Variants in PRKG1 observed in about 807,000 individuals in gnomAD.
The protein encoded by PRKG1 is cGMP-dependent protein kinase 1.
Under a neutral mutation model 88.1 loss-of-function variants are expected in PRKG1, and 35 were observed. The observed-to-expected ratio is 0.40, with a 90% CI of 0.30 to 0.53. PRKG1 has a LOEUF of 0.53. Among genes scored for constraint, PRKG1 ranks in the 20% least tolerant of loss-of-function variants. The pLI, the probability that PRKG1 is intolerant of heterozygous loss-of-function variation, is 0.59. For synonymous variants in PRKG1, 303 were observed against 292.5 expected, an observed-to-expected ratio of 1.04 and a Z score of -0.37; for missense variants, 540 against 839.8, an observed-to-expected ratio of 0.64 and a Z score of 4.41.
chr10:51,964,620 A>T (rs1295975252), intron 5 of PRKG1, among the ~76,000 whole-genome samples: 1 of 152,222 alleles, frequency 6.6e-6, no homozygotes, highest in East Asian at 1.9e-4. Flanking sequence ...AGTCCCAAGA[A>T]ACTAGAATAT....
chr10:51,093,674 ATG>A (rs900170798), intron 1 of PRKG1, among the ~76,000 whole-genome samples: 1 of 147,278 alleles, frequency 6.8e-6, no homozygotes, highest in Non-Finnish European at 1.5e-5. Context: ...ATATGTATGT[ATG>A]TGTGTATATA....
At chr10:51,390,255 C>A (rs1442933556) in intron 2 of PRKG1, among the ~76,000 whole-genome samples, 1 of 152,192 alleles carries the variant, frequency 6.6e-6, no homozygotes, top group Non-Finnish European at 1.5e-5. Context: ...CTGGGTGAGG[C>A]TCTTGGCAGT....
At chr10:51,601,028 G>A (rs1367703810) in intron 3 of PRKG1, among the ~76,000 whole-genome samples, 1 of 151,272 alleles carries the variant, frequency 6.6e-6, no homozygotes, top group African/African-American at 2.4e-5. Flanking sequence ...GGGAGGGAGG[G>A]AGAGAGGAAA....
At chr10:51,611,855 G>A (rs1313322050) in intron 3 of PRKG1, among the ~76,000 whole-genome samples, 1 of 152,054 alleles carries the variant, frequency 6.6e-6, no homozygotes, top group African/African-American at 2.4e-5. Context: ...TTCTGCATAT[G>A]GTTAACCAGT....
intron 3 of PRKG1, among the ~76,000 whole-genome samples, chr10:51,621,078 A>G (rs1221192119): frequency 1.4e-5 from 2 of 144,912 alleles, no homozygotes; most frequent in African/African-American, 5.0e-5. Flanking sequence ...TATATGTATG[A>G]GTCATAAACT....
intron 2 of PRKG1, among the ~76,000 whole-genome samples, chr10:51,370,979 G>A (rs1397864075): frequency 6.6e-6 from 1 of 152,018 alleles, no homozygotes; most frequent in Non-Finnish European, 1.5e-5. Flanking sequence ...AACTTTGTGT[G>A]CCCTACACCC....
chr10:52,126,811 A>T (rs1000518962), intron 7 of PRKG1, among the ~76,000 whole-genome samples: 2 of 152,216 alleles, frequency 1.3e-5, no homozygotes, highest in African/African-American at 4.8e-5. Flanking sequence ...TTGAGGAAAC[A>T]GTTATCTGTC....
chr10:51,773,016 A>G (rs1838344684), intron 3 of PRKG1, among the ~76,000 whole-genome samples: 1 of 152,098 alleles, frequency 6.6e-6, no homozygotes, highest in South Asian at 2.1e-4. Context: ...TATCTTTTCA[A>G]TAGAATGGAC....
At chr10:51,953,019 C>A (rs780771212) in intron 5 of PRKG1, among the ~76,000 whole-genome samples, 5 of 152,086 alleles carry the variant, frequency 3.3e-5, no homozygotes, top group Non-Finnish European at 4.4e-5. Flanking sequence ...CTTCTAAATG[C>A]CCTTTGCTCA....
chr10:51,814,458 A>G (rs1589312283), intron 4 of PRKG1, among the ~76,000 whole-genome samples: 1 of 152,282 alleles, frequency 6.6e-6, no homozygotes, highest in East Asian at 1.9e-4. Flanking sequence ...TTTGTTTCTT[A>G]AGACTCAATG....
chr10:52,233,278 T>C (rs1840573231), intron 9 of PRKG1, among the ~76,000 whole-genome samples: 1 of 150,154 alleles, frequency 6.7e-6, no homozygotes, highest in Non-Finnish European at 1.5e-5. Flanking sequence ...AAAAAGGAAG[T>C]CAAATATGAA....
At chr10:51,960,725 G>T (rs978134844) in intron 5 of PRKG1, among the ~76,000 whole-genome samples, 1 of 152,138 alleles carries the variant, frequency 6.6e-6, no homozygotes, top group Admixed American at 6.6e-5. Flanking sequence ...ACTGAAATGG[G>T]AGATGAATCA....
At chr10:51,545,732 G>A (rs1842429258) in intron 3 of PRKG1, among the ~76,000 whole-genome samples, 1 of 152,032 alleles carries the variant, frequency 6.6e-6, no homozygotes, top group African/African-American at 2.4e-5. Flanking sequence ...TTTCTTTATA[G>A]CTAGCTTTTA....
rs564654000 is a variant in PRKG1, at chr10:51,039,359, C to T, written c.266+47715C>T. ...GGATGTTGAGCACCTTTTCATATAC[C>T]TGTTTGCCATTTGTATGTCTTCTTT... On this transcript the variant is annotated intron_variant, in intron 1 of 17. Coordinates refer to the PRKG1 transcript ENST00000401604. 4.6e-5 allele frequency among the ~76,000 whole-genome samples: 7 copies of T among 152,230 alleles called. No individual in the cohort carries two copies. In the South Asian group the frequency reaches 8.3e-4, roughly 18 times the overall value.
At chr10:51,558,616 T>C (rs753421299) in intron 3 of PRKG1, among the ~76,000 whole-genome samples, 1 of 152,064 alleles carries the variant, frequency 6.6e-6, no homozygotes, top group Non-Finnish European at 1.5e-5. Flanking sequence ...ATGTTGGGCT[T>C]AGTTGATTTA....
chr10:51,222,469 A>G (rs1838569140), intron 2 of PRKG1, among the ~76,000 whole-genome samples: 1 of 152,174 alleles, frequency 6.6e-6, no homozygotes, highest in Non-Finnish European at 1.5e-5. Context: ...ATGGTCAGAA[A>G]TGCTTAATTG....
chr10:51,737,236 T>C (rs1031999689), intron 3 of PRKG1, among the ~76,000 whole-genome samples: 2 of 152,136 alleles, frequency 1.3e-5, no homozygotes, highest in African/African-American at 4.8e-5. Flanking sequence ...ATTCTTCCCC[T>C]GCCAATTGTT....
At chr10:51,951,337 A>C (rs947906407) in intron 5 of PRKG1, among the ~76,000 whole-genome samples, 1 of 152,232 alleles carries the variant, frequency 6.6e-6, no homozygotes, top group Non-Finnish European at 1.5e-5. Context: ...CTATGAGGCA[A>C]AAGATTCCTG....
intron 3 of PRKG1, among the ~76,000 whole-genome samples, chr10:51,547,636 T>C (rs998304801): frequency 2.0e-5 from 3 of 152,106 alleles, no homozygotes; most frequent in Non-Finnish European, 4.4e-5. Context: ...TTCCCAGTTA[T>C]ACTTGACGAG....
Sources: gnomAD v4.1 joint callset for allele counts (sites outside exome capture counted in the v4.1 genomes callset) on GRCh38, gnomAD v4.1.1 for gene constraint, MANE v1.5 for transcripts, NCBI Gene and HGNC (gene_info 2026-07-23, HGNC 2026-07-21) for gene names.